The following DENND1A variants were observed in gnomAD, a reference collection of about 807,000 sequenced individuals.
The protein encoded by DENND1A is DENN domain containing 1A, also known as DENN domain-containing protein 1A.
DENND1A carries 51 observed loss-of-function variants against 113.7 expected under a neutral mutation model. That is an observed-to-expected ratio of 0.45 (90% CI 0.36 to 0.57). DENND1A has a LOEUF of 0.57. Ranked by LOEUF, DENND1A falls within the 20% of genes least tolerant of loss-of-function variation. The pLI is 0.00. For missense variants in DENND1A, 1,258 were observed against 1,395.9 expected (o/e 0.90, Z 1.57); for synonymous variants, 565 against 570.8 (o/e 0.99, Z 0.14).
intron 5 of DENND1A, among the ~76,000 whole-genome samples, chr9:123,728,479 C>CAAATAAA (rs2067884438): frequency 4.0e-5 from 1 of 25,182 alleles, no homozygotes; most frequent in Non-Finnish European, 7.1e-5. Context: ...CTCTGTCTCC[C>CAAATAAA]AAAAAAAAAA....
chr9:123,581,910 T>C (rs1221030729), intron 12 of DENND1A, among the ~76,000 whole-genome samples: 1 of 152,202 alleles, frequency 6.6e-6, no homozygotes, highest in Non-Finnish European at 1.5e-5. Context: ...TGAGGCCCAA[T>C]CCTCACTGGC....
chr9:123,719,035 C>T (rs1243545673), intron 5 of DENND1A, among the ~76,000 whole-genome samples: 1 of 152,210 alleles, frequency 6.6e-6, no homozygotes, highest in East Asian at 1.9e-4. Flanking sequence ...TTGCTTGGTT[C>T]TCATTCTCTC....
intron 2 of DENND1A, among the ~76,000 whole-genome samples, chr9:123,859,023 C>T (rs1844688891): frequency 6.6e-6 from 1 of 152,086 alleles, no homozygotes; most frequent in South Asian, 2.1e-4. Flanking sequence ...AAACATAGCC[C>T]TAAGGTTCTT....
intron 8 of DENND1A, among the ~76,000 whole-genome samples, chr9:123,665,774 C>CA (rs1377247469): frequency 3.9e-5 from 6 of 152,070 alleles, no homozygotes. Context: ...TGATAATAGC[C>CA]AAAGGGTAAA....
At chr9:123,676,894 A>C in intron 5 of DENND1A, 105 bp from the exon 6 acceptor site, 1 of 1,046,388 alleles carries the variant, frequency 9.6e-7, no homozygotes, top group Non-Finnish European at 1.5e-6. Flanking sequence ...CTACATCCTG[A>C]AGAGTCTTCC....
At chr9:123,409,069 C>T (rs2044106409) in intron 20 of DENND1A, among the ~76,000 whole-genome samples, 1 of 152,244 alleles carries the variant, frequency 6.6e-6, no homozygotes, top group South Asian at 2.1e-4. Context: ...TGTCATCATC[C>T]CTGTGGTGTT....
At chr9:123,464,427 A>G (rs985635484) in intron 13 of DENND1A, among the ~76,000 whole-genome samples, 5 of 152,240 alleles carry the variant, frequency 3.3e-5, no homozygotes, top group Non-Finnish European at 7.3e-5. Flanking sequence ...GATCTGATAC[A>G]TGCTGTAACA....
chr9:123,487,664 TG>T (rs1404449849), intron 13 of DENND1A, among the ~76,000 whole-genome samples: 1 of 152,068 alleles, frequency 6.6e-6, no homozygotes, highest in Non-Finnish European at 1.5e-5. Flanking sequence ...TTTCCCAGTC[TG>T]GACAACAGAG....
At chr9:123,709,617 T>C (rs983231056) in intron 5 of DENND1A, among the ~76,000 whole-genome samples, 1 of 152,212 alleles carries the variant, frequency 6.6e-6, no homozygotes, top group Non-Finnish European at 1.5e-5. Flanking sequence ...TGCCTTGCTA[T>C]ATGGCCTGCT....
intron 5 of DENND1A, among the ~76,000 whole-genome samples, chr9:123,705,585 G>A (rs974210784): frequency 2.0e-5 from 3 of 152,020 alleles, no homozygotes; most frequent in Admixed American, 6.6e-5. Flanking sequence ...AAAAACATAG[G>A]TCCTTAGGGG....
At chr9:123,763,440 C>G (rs1325546956) in intron 4 of DENND1A, among the ~76,000 whole-genome samples, 1 of 152,044 alleles carries the variant, frequency 6.6e-6, no homozygotes. Context: ...GGGGGAAGAT[C>G]CAAGAGTTCC....
chr9:123,768,755 ATTG>A (rs200807218), intron 4 of DENND1A, among the ~76,000 whole-genome samples: 3,222 of 150,644 alleles, frequency 0.021, 45 homozygotes, highest in Non-Finnish European at 0.031. Flanking sequence ...AAATAAAATA[ATTG>A]TTATTTTATT....
At chr9:123,899,056 C>A (rs1273994685) in intron 1 of DENND1A, among the ~76,000 whole-genome samples, 1 of 152,234 alleles carries the variant, frequency 6.6e-6, no homozygotes, top group Non-Finnish European at 1.5e-5. Context: ...AGGCTCAAAT[C>A]TTGAAACTCA....
chr9:123,724,153 A>C (rs1352973664), intron 5 of DENND1A, among the ~76,000 whole-genome samples: 37 of 152,192 alleles, frequency 2.4e-4, no homozygotes, highest in Admixed American at 2.1e-3. Context: ...CCATTCTTAG[A>C]GTCAACTGGG....
At position 123,671,353 on chromosome 9, in the gene DENND1A, G is replaced by C. The variant is rs199716390; in HGVS notation, c.391C>G (p.Leu131Val). 1 of 1,613,894 alleles carries C rather than the reference G, an allele frequency of 6.2e-7. No homozygotes were observed. The highest frequency in any genetic ancestry group is 2.2e-5 in the East Asian group (1 of 44,870). Reference sequence around the variant, plus strand: ...GGAAGTTTGTGCAGAGTTTCAAGAAGCTCATTCCACTGATTTTCCTGAAAG... The same window carrying C: ...GGAAGTTTGTGCAGAGTTTCAAGAACCTCATTCCACTGATTTTCCTGAAAG... ...TKRQENQWNELLETLHKLPIP... is the reference protein window; with the variant it reads ...TKRQENQWNEVLETLHKLPIP... Residue 131 changes from leucine to valine, a missense_variant, in exon 7 of 24, where the codon CTT (leucine) becomes GTT (valine). Leu to Val is a conservative substitution (Grantham distance 32). Around this residue, in one of 2 missense-constraint regions of DENND1A, gnomAD observed 99 missense variants for 164.2 expected, o/e 0.60. Coordinates refer to ENST00000394215, the MANE Select transcript of DENND1A (RefSeq NM_001352964.2).
chr9:123,578,570 A>G (rs2136570570), intron 12 of DENND1A, among the ~76,000 whole-genome samples: 1 of 152,356 alleles, frequency 6.6e-6, no homozygotes, highest in Middle Eastern at 3.4e-3. Flanking sequence ...TAAAGTTTCC[A>G]GCGTAGATGC....
chr9:123,718,655 G>A (rs575513462), intron 5 of DENND1A, among the ~76,000 whole-genome samples: 20 of 152,284 alleles, frequency 1.3e-4, no homozygotes, highest in Non-Finnish European at 2.4e-4. Flanking sequence ...ACACTGGAAC[G>A]ATTCTCTTCT....
chr9:123,446,128 G>T (rs1564503220), intron 18 of DENND1A, among the ~76,000 whole-genome samples: 1 of 152,190 alleles, frequency 6.6e-6, no homozygotes, highest in Non-Finnish European at 1.5e-5. Context: ...ATCTCCATGT[G>T]GGGGAGTTGA....
intron 12 of DENND1A, among the ~76,000 whole-genome samples, chr9:123,572,660 G>A (rs973909300): frequency 6.6e-6 from 1 of 152,100 alleles, no homozygotes; most frequent in Non-Finnish European, 1.5e-5. Context: ...TTGCTATTGA[G>A]TTTTGGAATT....
Sources: allele counts gnomAD v4.1 joint callset (sites outside exome capture counted in the v4.1 genomes callset), GRCh38; gene constraint gnomAD v4.1.1; regional missense constraint gnomAD v4.1.1; transcripts MANE v1.5; gene names NCBI Gene and HGNC (gene_info 2026-07-23, HGNC 2026-07-21).